Variants in TMEM154 observed in about 807,000 individuals in gnomAD.
TMEM154 encodes transmembrane protein 154.
Under a neutral mutation model 24.5 loss-of-function variants are expected in TMEM154, and 27 were observed. The ratio of observed to expected loss-of-function variants is 1.10; its 90% confidence interval spans 0.81 to 1.52. The LOEUF is 1.52. TMEM154 is among the 40% of genes most tolerant of loss of function. The pLI, the probability that TMEM154 is intolerant of heterozygous loss-of-function variation, is 0.00. For synonymous variants in TMEM154, 67 were observed against 76.8 expected (o/e 0.87, Z 0.67); for missense variants, 228 against 213.4 (o/e 1.07, Z -0.43).
intron 3 of TMEM154, chr4:152,647,159 T>C (rs566215446): frequency 3.1e-6 from 3 of 981,350 alleles, no homozygotes; most frequent in Admixed American, 6.1e-5. Flanking sequence ...TATTTCCTAG[T>C]ATAGTATAAC....
At chr4:152,629,254 CAA>C (rs1751987122) in intron 6 of TMEM154, among the ~76,000 whole-genome samples, 1 of 152,230 alleles carries the variant, frequency 6.6e-6, no homozygotes. Context: ...TTTGCTGAAA[CAA>C]ATTTTCCACA....
intron 1 of TMEM154, among the ~76,000 whole-genome samples, chr4:152,660,425 C>T (rs915842482): frequency 4.6e-5 from 7 of 151,582 alleles, no homozygotes; most frequent in Non-Finnish European, 1.0e-4. Context: ...ATACTGTAGC[C>T]GCTGTTACTA....
intron 1 of TMEM154, among the ~76,000 whole-genome samples, chr4:152,679,240 ACAAT>A (rs1394416977): frequency 6.7e-6 from 1 of 150,046 alleles, no homozygotes; most frequent in Non-Finnish European, 1.5e-5. Context: ...TTCATTAGTA[ACAAT>A]CAATGCAAAA....
At chr4:152,640,508 T>A (rs942111615) in intron 6 of TMEM154, among the ~76,000 whole-genome samples, 10 of 152,210 alleles carry the variant, frequency 6.6e-5, no homozygotes, top group Admixed American at 2.0e-4. Context: ...GAACATTTTT[T>A]AAAAATTCCC....
intron 3 of TMEM154, 135 bp downstream of exon 3, chr4:152,652,403 T>C (rs1728403299): frequency 7.2e-7 from 1 of 1,381,774 alleles, no homozygotes; most frequent in African/African-American, 1.5e-5. Flanking sequence ...ATATATTCAC[T>C]TCTGGAAAAT....
rs181467832 is a variant in TMEM154, at chr4:152,619,270, T to C, written c.*9276A>G. On this transcript the variant is annotated 3_prime_UTR_variant, in exon 7 of 7. Coordinates refer to ENST00000304385, the MANE Select transcript of TMEM154 (RefSeq NM_152680.3). ...TACAGACTACTGGACCAGGGGTCTATGTCCAAGCCAAAGAGCACATAGGCA... is the reference window on the plus strand; with the variant it reads ...TACAGACTACTGGACCAGGGGTCTACGTCCAAGCCAAAGAGCACATAGGCA... The C allele has an allele frequency of 1.3e-5, 2 of 152,340 alleles. No homozygotes were observed. Among genetic ancestry groups the C allele is most frequent in the East Asian group, 3.9e-4 (2 of 5,184 alleles). 9.4% of individuals were successfully genotyped at this position (152,340 alleles called of 1,614,324 possible). A position where few individuals can be genotyped will look rare whatever the true frequency, so the allele number is the denominator to read the frequency against.
At chr4:152,665,742 T>C (rs989913071) in intron 1 of TMEM154, among the ~76,000 whole-genome samples, 4 of 151,934 alleles carry the variant, frequency 2.6e-5, no homozygotes, top group Non-Finnish European at 5.9e-5. Flanking sequence ...GGGCGTAGTC[T>C]TACAGTTTCT....
At chr4:152,653,013 T>C in intron 1 of TMEM154, 86 bp from the exon 2 acceptor site, 2 of 1,351,856 alleles carry the variant, frequency 1.5e-6, no homozygotes, top group Non-Finnish European at 2.0e-6. Context: ...TATTCCTAGA[T>C]ACATTCTGTG....
chr4:152,641,911 T>A (rs1752265660), intron 5 of TMEM154, among the ~76,000 whole-genome samples: 1 of 108,310 alleles, frequency 9.2e-6, no homozygotes, highest in African/African-American at 3.4e-5. Flanking sequence ...TTCTTTTTTT[T>A]TTTTTTTTTT....
At chr4:152,664,381 G>A (rs371144981) in intron 1 of TMEM154, among the ~76,000 whole-genome samples, 6 of 151,836 alleles carry the variant, frequency 4.0e-5, no homozygotes, top group African/African-American at 7.3e-5. Context: ...TCGTGGCGGG[G>A]GGGTACAAGG....
At chr4:152,640,537 G>A (rs772473679) in intron 6 of TMEM154, among the ~76,000 whole-genome samples, 2 of 152,092 alleles carry the variant, frequency 1.3e-5, no homozygotes, top group Non-Finnish European at 2.9e-5. Flanking sequence ...TCTCACTCTA[G>A]TTTACAGTTA....
In TMEM154 at chr4:152,643,161, C is replaced by T. The variant is rs1212553713; in HGVS notation, c.405G>A (p.Glu135=). ...TTTCCATAACAGAGGGTGTATCTTC[C>T]TCAAAAATAGGGCTAGAAATAGAGA... The part of the protein sequence containing the change: ...GSENVKVPIF[E]EDTPSVMEIE... The change falls in exon 5 of 7, where the codon GAG becomes GAA. Residue 135 remains glutamate (E), a synonymous_variant. Transcript: ENST00000304385. 1 of 1,608,332 alleles carries T rather than the reference C, an allele frequency of 6.2e-7. No individual in the cohort carries two copies. Among genetic ancestry groups the T allele is most frequent in the Admixed American group, 1.7e-5 (1 of 58,394 alleles).
intron 1 of TMEM154, among the ~76,000 whole-genome samples, chr4:152,667,369 A>G (rs1424566143): frequency 6.6e-6 from 1 of 152,232 alleles, no homozygotes; most frequent in Non-Finnish European, 1.5e-5. Context: ...GGAATGGAGG[A>G]ATTGCTTAAT....
At chr4:152,671,877 A>T (rs75789575) in intron 1 of TMEM154, among the ~76,000 whole-genome samples, 5,067 of 151,886 alleles carry the variant, frequency 0.033, 286 homozygotes, top group African/African-American at 0.12. Context: ...ATGTCCAGGG[A>T]AAACCGGTGA....
chr4:152,624,633 A>G lies in TMEM154; in HGVS notation c.*3913T>C, dbSNP rs1015335545. 6.6e-6 allele frequency: 1 copy of G among 152,002 alleles called. No individual in the cohort carries two copies. Among genetic ancestry groups the G allele is most frequent in the Non-Finnish European group, 1.5e-5 (1 of 68,004 alleles). 9.4% of individuals were successfully genotyped at this position (152,002 alleles called of 1,614,324 possible). A position where few individuals can be genotyped will look rare whatever the true frequency, so the allele number is the denominator to read the frequency against. On this transcript the variant is annotated 3_prime_UTR_variant, in exon 7 of 7. Coordinates refer to ENST00000304385, the MANE Select transcript of TMEM154 (RefSeq NM_152680.3). ...GAAAAATAAAAAAAAACACCCAAAA[A>G]CTATCCCCAAGAGGACTAAGAAGGA...
intron 3 of TMEM154, among the ~76,000 whole-genome samples, chr4:152,645,097 T>C (rs551091255): frequency 7.2e-6 from 1 of 139,146 alleles, no homozygotes; most frequent in Admixed American, 7.7e-5. Flanking sequence ...TGGCCACAAT[T>C]TCTCATTGGT....
rs186187606 is a variant in TMEM154, at chr4:152,670,403, G to A, written c.64+9467C>T. 1.3e-3 allele frequency among the ~76,000 whole-genome samples: 191 copies of A among 152,250 alleles called. 1 individual carries two copies. The Middle Eastern group carries it at 0.034, about 27-fold the overall frequency. ...GAGGTCAGGAGTTTGAGACCAGCCT[G>A]GTCAACATGGTAAAACACCATCTCT... On this transcript the variant is annotated intron_variant, in intron 1 of 6. Transcript: ENST00000304385.
intron 1 of TMEM154, among the ~76,000 whole-genome samples, chr4:152,679,375 C>CTT (rs370759340): frequency 2.8e-4 from 40 of 141,738 alleles, no homozygotes; most frequent in African/African-American, 9.5e-4. Flanking sequence ...TTCCCGTTTC[C>CTT]TTTTTTTTTT....
Position 152,627,369 on chromosome 4 carries a change from A to G in TMEM154, c.*1177T>C, listed in dbSNP as rs1212476692. 2 of 152,274 alleles carry G rather than the reference A, an allele frequency of 1.3e-5. No individual in the cohort carries two copies. The highest frequency in any genetic ancestry group is 1.5e-5 in the Non-Finnish European group (1 of 68,046). 9.4% of individuals were successfully genotyped at this position (152,274 alleles called of 1,614,324 possible). A position where few individuals can be genotyped will look rare whatever the true frequency, so the allele number is the denominator to read the frequency against. On this transcript the variant is annotated 3_prime_UTR_variant, in exon 7 of 7. Transcript: ENST00000304385. ...AATATCAGGTATCCAAGGAGAGCTG[A>G]GGATTCTCAATTTGCTAGATTGCTT...
Sources: allele counts gnomAD v4.1 joint callset (sites outside exome capture counted in the v4.1 genomes callset), GRCh38; gene constraint gnomAD v4.1.1; transcripts MANE v1.5; gene names NCBI Gene and HGNC (gene_info 2026-07-23, HGNC 2026-07-21).